The following NT5DC1 variants were observed in gnomAD, a reference collection of about 807,000 sequenced individuals.
NT5DC1 encodes 5'-nucleotidase domain containing 1.
In NT5DC1, 42 loss-of-function variants were observed where a neutral mutation model predicts 59.4. The observed-to-expected ratio is 0.71, with a 90% CI of 0.55 to 0.92. The LOEUF (loss-of-function observed/expected upper bound fraction) is 0.92, where lower values mean the gene tolerates loss of function less well. Ranked by LOEUF, NT5DC1 falls within the 40% of genes least tolerant of loss-of-function variation. The pLI is 0.00. For synonymous variants in NT5DC1, 172 were observed against 188.1 expected (o/e 0.91, Z 0.70); for missense variants, 501 against 537.1 (o/e 0.93, Z 0.66).
At chr6:116,185,884 T>C (rs1185585013) in intron 6 of NT5DC1, among the ~76,000 whole-genome samples, 1 of 152,122 alleles carries the variant, frequency 6.6e-6, no homozygotes, top group African/African-American at 2.4e-5. Context: ...TATTGAGATG[T>C]AGCATACTAT....
At chr6:116,156,505 C>T (rs977098638) in intron 6 of NT5DC1, among the ~76,000 whole-genome samples, 8 of 152,196 alleles carry the variant, frequency 5.3e-5, no homozygotes, top group East Asian at 1.9e-4. Context: ...AAAAGGAATG[C>T]GTCTTAAGGA....
chr6:116,128,806 G>A (rs1779387407), intron 6 of NT5DC1, among the ~76,000 whole-genome samples: 1 of 152,116 alleles, frequency 6.6e-6, no homozygotes, highest in South Asian at 2.1e-4. Context: ...AGCTCCTCAG[G>A]TGATCATGAT....
intron 6 of NT5DC1, among the ~76,000 whole-genome samples, chr6:116,124,692 TG>T (rs1371475899): frequency 2.0e-5 from 3 of 152,220 alleles, no homozygotes; most frequent in African/African-American, 7.2e-5. Context: ...AACTAAGGCA[TG>T]GGAGGACAAG....
chr6:116,113,738 A>C (rs942790767), intron 4 of NT5DC1, among the ~76,000 whole-genome samples: 1 of 152,156 alleles, frequency 6.6e-6, no homozygotes, highest in Non-Finnish European at 1.5e-5. Context: ...CTCAGCCCTT[A>C]CTCAAAATCA....
At chr6:116,121,880 G>T in intron 6 of NT5DC1, 1 of 1,614,002 alleles carries the variant, frequency 6.2e-7, no homozygotes, top group South Asian at 1.1e-5. Flanking sequence ...TTTTCCTGGT[G>T]GTCCAGAAGG....
intron 6 of NT5DC1, among the ~76,000 whole-genome samples, chr6:116,206,072 T>G (rs1050154989): frequency 4.6e-5 from 7 of 152,016 alleles, no homozygotes; most frequent in African/African-American, 1.2e-4. Context: ...CCCTGCCTCC[T>G]GCTCAGTAGG....
Position 116,113,643 on chromosome 6 carries a change from A to G in NT5DC1, c.365-2048A>G, listed in dbSNP as rs533730337. Among the ~76,000 whole-genome samples the G allele has an allele frequency of 7.2e-5, 11 of 152,356 alleles. No individual in the cohort carries two copies. In the East Asian group the frequency reaches 1.9e-3, roughly 27 times the overall value. On this transcript the variant is annotated intron_variant, in intron 4 of 11. Transcript: ENST00000319550. ...AGCGGACATTCAGCCCAAGTTCAACAGTCAAATGACCTTAGCCTCTTGCAT... is the reference window on the plus strand; with the variant it reads ...AGCGGACATTCAGCCCAAGTTCAACGGTCAAATGACCTTAGCCTCTTGCAT...
chr6:116,166,725 A>C (rs898597730), intron 6 of NT5DC1, among the ~76,000 whole-genome samples: 5 of 152,250 alleles, frequency 3.3e-5, no homozygotes, highest in Admixed American at 3.3e-4. Context: ...AGAAATTTCT[A>C]CTAAAGTTTC....
intron 6 of NT5DC1, among the ~76,000 whole-genome samples, chr6:116,182,223 G>GAGTGTGTGTGTGTA (rs1780896372): frequency 4.1e-5 from 1 of 24,294 alleles, no homozygotes; most frequent in East Asian, 6.4e-4. Flanking sequence ...TCCATGGAGA[G>GAGTGTGTGTGTGTA]TGTGTGTGTG....
chr6:116,168,655 T>A (rs1780535093), intron 6 of NT5DC1, among the ~76,000 whole-genome samples: 2 of 152,302 alleles, frequency 1.3e-5, no homozygotes, highest in African/African-American at 4.8e-5. Flanking sequence ...TATATTATAT[T>A]GTCTCCTTGA....
intron 6 of NT5DC1, among the ~76,000 whole-genome samples, chr6:116,155,537 T>C (rs1009967385): frequency 1.3e-4 from 20 of 152,186 alleles, no homozygotes; most frequent in African/African-American, 4.3e-4. Flanking sequence ...GCAAACAATC[T>C]AAACAATTTA....
chr6:116,175,287 G>A (rs1780710758), intron 6 of NT5DC1, among the ~76,000 whole-genome samples: 1 of 151,980 alleles, frequency 6.6e-6, no homozygotes, highest in Non-Finnish European at 1.5e-5. Flanking sequence ...GACACTATAG[G>A]TTAGTTTTAG....
At chr6:116,243,456 C>T (rs1358248650) in intron 11 of NT5DC1, among the ~76,000 whole-genome samples, 1 of 152,146 alleles carries the variant, frequency 6.6e-6, no homozygotes, top group Non-Finnish European at 1.5e-5. Flanking sequence ...AGAAAGATAT[C>T]TAACTCTTCA....
intron 6 of NT5DC1, among the ~76,000 whole-genome samples, chr6:116,137,807 C>T (rs142793739): frequency 0.015 from 2,224 of 152,260 alleles, 26 homozygotes; most frequent in Middle Eastern, 0.051. Context: ...CTTGGCCGGA[C>T]GCACTGGCTT....
chr6:116,131,754 C>T (rs868273043), intron 6 of NT5DC1, among the ~76,000 whole-genome samples: 2 of 152,170 alleles, frequency 1.3e-5, no homozygotes, highest in Non-Finnish European at 1.5e-5. Flanking sequence ...CTTTATTGTA[C>T]AGTTTATTTC....
At position 116,112,740 on chromosome 6, in the gene NT5DC1, C is replaced by T. The variant is rs531031423; in HGVS notation, c.364+1784C>T. On this transcript the variant is annotated intron_variant, in intron 4 of 11. Transcript: ENST00000319550. ...GATGTTTTCATGAATGTATATTTTG[C>T]ACTTTCATACATATATCTAGGATAA... 5.3e-5 allele frequency among the ~76,000 whole-genome samples: 8 copies of T among 152,318 alleles called. No homozygotes were observed. In the East Asian group the frequency reaches 1.5e-3, roughly 29 times the overall value.
At chr6:116,243,660 C>G (rs1771780577) in intron 11 of NT5DC1, among the ~76,000 whole-genome samples, 1 of 152,090 alleles carries the variant, frequency 6.6e-6, no homozygotes, top group African/African-American at 2.4e-5. Flanking sequence ...CATTTAAATG[C>G]CTAGAAGCCT....
chr6:116,108,467 T>G, intron 3 of NT5DC1, 32 bp downstream of exon 3: 1 of 1,272,906 alleles, frequency 7.9e-7, no homozygotes, highest in Non-Finnish European at 1.2e-6. Flanking sequence ...GTCTAAACTT[T>G]ACCTTCTCTG....
At chr6:116,153,986 C>G (rs1166246025) in intron 6 of NT5DC1, among the ~76,000 whole-genome samples, 3 of 146,680 alleles carry the variant, frequency 2.0e-5, no homozygotes, top group Non-Finnish European at 3.0e-5. Context: ...CATGGTTCAT[C>G]TTTGAAAATA....
Sources: gnomAD v4.1 joint callset for allele counts (sites outside exome capture counted in the v4.1 genomes callset) on GRCh38, gnomAD v4.1.1 for gene constraint, MANE v1.5 for transcripts, NCBI Gene and HGNC (gene_info 2026-07-23, HGNC 2026-07-21) for gene names.